The following CES1 variants were observed in gnomAD, a reference collection of about 807,000 sequenced individuals.
CES1 encodes the protein liver carboxylesterase 1.
Under a neutral mutation model 53.0 loss-of-function variants are expected in CES1, and 50 were observed. The ratio of observed to expected loss-of-function variants is 0.94; its 90% confidence interval spans 0.75 to 1.19. The LOEUF (loss-of-function observed/expected upper bound fraction) is 1.19. Ranked by LOEUF, CES1 falls within the 50% of genes most tolerant of loss-of-function variation. The pLI is 0.00. For missense variants in CES1, 534 were observed against 538.0 expected, an observed-to-expected ratio of 0.99 and a Z score of 0.07; for synonymous variants, 202 against 210.1, an observed-to-expected ratio of 0.96 and a Z score of 0.33.
At chr16:55,814,000 T>A (rs1395568620) in intron 8 of CES1, among the ~76,000 whole-genome samples, 1 of 152,164 alleles carries the variant, frequency 6.6e-6, no homozygotes, top group South Asian at 2.1e-4. Context: ...CAGTATTGAT[T>A]TGGGGGTTAT....
In CES1 at chr16:55,828,880, G is replaced by C. The variant is rs762711341; in HGVS notation, c.147C>G (p.Ala49=). The change falls in exon 2 of 14, where the codon GCC becomes GCG. Residue 49 remains alanine (A), a synonymous_variant. Coordinates refer to ENST00000360526, the MANE Select transcript of CES1 (RefSeq NM_001025195.2). ...VSLEGFAQPV[A]IFLGIPFAKP... is the part of the protein sequence containing the mutation. ...TGGCAAAAGGGATTCCCAGGAAAAT[G>C]GCCACAGGCTGTGCAAATCCTTCTA... is the stretch of plus-strand genomic sequence containing the variant. The C allele has an allele frequency of 1.9e-6, 3 of 1,614,134 alleles. No homozygotes were observed. The highest frequency in any genetic ancestry group is 2.5e-6 in the Non-Finnish European group (3 of 1,179,954).
intron 8 of CES1, among the ~76,000 whole-genome samples, chr16:55,815,188 G>T (rs1286278820): frequency 1.2e-4 from 19 of 152,324 alleles, no homozygotes; most frequent in African/African-American, 4.6e-4. Context: ...GTGGGGCAGG[G>T]TCTAGAGGGA....
At chr16:55,830,654 T>C (rs1348509090) in intron 1 of CES1, among the ~76,000 whole-genome samples, 1 of 150,626 alleles carries the variant, frequency 6.6e-6, no homozygotes. Flanking sequence ...AATAGAAAAA[T>C]TAGCTGGGTG....
chr16:55,830,686 C>G (rs1483083120), intron 1 of CES1, among the ~76,000 whole-genome samples: 5 of 151,070 alleles, frequency 3.3e-5, no homozygotes, highest in African/African-American at 9.8e-5. Context: ...GCCTGTAATC[C>G]TGGCTCCTCC....
At chr16:55,827,486 A>G (rs1178822414) in intron 2 of CES1, among the ~76,000 whole-genome samples, 1 of 152,108 alleles carries the variant, frequency 6.6e-6, no homozygotes, top group Non-Finnish European at 1.5e-5. Flanking sequence ...TCATACGTCA[A>G]TGGGAGGAGT....
At chr16:55,817,110 T>C in intron 7 of CES1, 148 bp from the exon 8 acceptor site, 2 of 891,926 alleles carry the variant, frequency 2.2e-6, no homozygotes, top group Non-Finnish European at 3.8e-6. Context: ...TCCATCTCCC[T>C]GAACATGAAT....
chr16:55,812,735 A>C (rs1363750589), intron 9 of CES1, among the ~76,000 whole-genome samples, 168 bp downstream of exon 9: 5 of 152,180 alleles, frequency 3.3e-5, no homozygotes, highest in East Asian at 1.9e-4. Flanking sequence ...ACCCCGGTGA[A>C]AACTGTGCCC....
intron 6 of CES1, among the ~76,000 whole-genome samples, 183 bp from the exon 7 acceptor site, chr16:55,819,822 T>C (rs141161514): frequency 0.012 from 1,798 of 152,280 alleles, 32 homozygotes; most frequent in African/African-American, 0.041. Flanking sequence ...CTAATCTCAA[T>C]TGTAACATGG....
At chr16:55,815,786 A>G (rs1469666790) in intron 8 of CES1, among the ~76,000 whole-genome samples, 1 of 152,164 alleles carries the variant, frequency 6.6e-6, no homozygotes, top group African/African-American at 2.4e-5. Context: ...CCTACAGTCT[A>G]TTTGAACACC....
chr16:55,810,822 C>G (rs1379597664), intron 10 of CES1, 105 bp downstream of exon 10: 22 of 1,400,824 alleles, frequency 1.6e-5, no homozygotes, highest in Non-Finnish European at 2.1e-5. Flanking sequence ...TGGGGGAAAC[C>G]CTGAGGCCCC....
intron 11 of CES1, among the ~76,000 whole-genome samples, chr16:55,809,920 G>T (rs1418436971): frequency 2.9e-4 from 44 of 152,130 alleles, no homozygotes; most frequent in African/African-American, 1.0e-3. Context: ...AGCAGATGCT[G>T]CCAGGGTCTC....
At chr16:55,810,742 A>T in intron 10 of CES1, 78 bp from the exon 11 acceptor site, 1 of 1,557,024 alleles carries the variant, frequency 6.4e-7, no homozygotes, top group South Asian at 1.1e-5. Context: ...GTCCTGCCTC[A>T]ATGGTGAACC....
At chr16:55,808,506 C>T (rs1166576279) in intron 11 of CES1, among the ~76,000 whole-genome samples, 3 of 152,184 alleles carry the variant, frequency 2.0e-5, no homozygotes, top group South Asian at 4.1e-4. Context: ...TCTTAGCATC[C>T]CAAATGAGAA....
chr16:55,810,777 C>G (rs759371280), intron 10 of CES1, 113 bp from the exon 11 acceptor site: 2 of 1,464,526 alleles, frequency 1.4e-6, no homozygotes, highest in Non-Finnish European at 1.9e-6. Context: ...CAACTCCCCG[C>G]TAGGGTGGAA....
chr16:55,809,005 C>T (rs1488037701), intron 11 of CES1, among the ~76,000 whole-genome samples: 1 of 137,056 alleles, frequency 7.3e-6, no homozygotes, highest in African/African-American at 2.7e-5. Context: ...TATAATTTAA[C>T]ATATTAATTT....
chr16:55,827,043 C>T (rs1457649107), intron 2 of CES1, among the ~76,000 whole-genome samples: 1 of 152,056 alleles, frequency 6.6e-6, no homozygotes, highest in Non-Finnish European at 1.5e-5. Flanking sequence ...GTTACATAGC[C>T]AGGTAGATCC....
intron 7 of CES1, among the ~76,000 whole-genome samples, chr16:55,818,934 G>A (rs1241090930): frequency 6.6e-6 from 1 of 152,230 alleles, no homozygotes; most frequent in Admixed American, 6.5e-5. Context: ...TGAATGGATT[G>A]AAAATAGATA....
chr16:55,832,983 T>A (rs753291423), intron 1 of CES1, 21 bp downstream of exon 1: 2 of 1,350,222 alleles, frequency 1.5e-6, no homozygotes, highest in South Asian at 2.4e-5. Flanking sequence ...TGCCCCGCAT[T>A]TTGATTTCAG....
At chr16:55,809,912 C>G (rs1472714301) in intron 11 of CES1, among the ~76,000 whole-genome samples, 1 of 152,238 alleles carries the variant, frequency 6.6e-6, no homozygotes, top group African/African-American at 2.4e-5. Flanking sequence ...GCCCTTGCAG[C>G]AGATGCTGCC....
Sources: allele counts gnomAD v4.1 joint callset (sites outside exome capture counted in the v4.1 genomes callset), GRCh38; gene constraint gnomAD v4.1.1; transcripts MANE v1.5; gene names NCBI Gene and HGNC (gene_info 2026-07-23, HGNC 2026-07-21).